Variants in FAM135B observed in about 807,000 individuals in gnomAD.
FAM135B encodes family with sequence similarity 135 member B.
A neutral mutation model predicts 127.7 loss-of-function variants in FAM135B; 43 were observed. The ratio of observed to expected loss-of-function variants is 0.34; its 90% confidence interval spans 0.26 to 0.43. FAM135B has a LOEUF of 0.43. FAM135B is among the 20% of genes least tolerant of loss of function. The pLI is 1.00. For missense variants in FAM135B, 1,558 were observed against 1,725.6 expected (o/e 0.90, Z 1.72); for synonymous variants, 670 against 665.1 (o/e 1.01, Z -0.11).
intron 1 of FAM135B, among the ~76,000 whole-genome samples, chr8:138,485,392 C>A (rs1814945266): frequency 6.6e-6 from 1 of 152,140 alleles, no homozygotes; most frequent in Non-Finnish European, 1.5e-5. Context: ...CGAGGTTCCT[C>A]AGTTTTCAGA....
At chr8:138,189,722 C>T (rs1815938059) in intron 9 of FAM135B, among the ~76,000 whole-genome samples, 1 of 152,148 alleles carries the variant, frequency 6.6e-6, no homozygotes, top group Admixed American at 6.6e-5. Flanking sequence ...TGGAGTTTGC[C>T]CCTGCTGGTG....
At chr8:138,311,603 T>C (rs190780333) in intron 2 of FAM135B, among the ~76,000 whole-genome samples, 23 of 152,336 alleles carry the variant, frequency 1.5e-4, no homozygotes, top group Admixed American at 2.6e-4. Flanking sequence ...GGCATCATCA[T>C]TGTTCTCTTC....
chr8:138,374,793 C>G (rs2131255943), intron 1 of FAM135B, among the ~76,000 whole-genome samples: 1 of 152,274 alleles, frequency 6.6e-6, no homozygotes, highest in Middle Eastern at 3.4e-3. Context: ...GGGCTGAGTC[C>G]AGGCACAGGG....
At chr8:138,268,430 G>T (rs1823112018) in intron 3 of FAM135B, among the ~76,000 whole-genome samples, 1 of 152,048 alleles carries the variant, frequency 6.6e-6, no homozygotes, top group Non-Finnish European at 1.5e-5. Context: ...ATTAAGCCTG[G>T]GATAAGGCAT....
intron 5 of FAM135B, among the ~76,000 whole-genome samples, chr8:138,251,515 G>T (rs1197720406): frequency 6.6e-6 from 1 of 152,130 alleles, no homozygotes; most frequent in Non-Finnish European, 1.5e-5. Flanking sequence ...GGCAGGTATT[G>T]AGAATATAAA....
intron 3 of FAM135B, among the ~76,000 whole-genome samples, chr8:138,299,913 T>A (rs1360134656): frequency 6.6e-6 from 1 of 152,168 alleles, no homozygotes; most frequent in Admixed American, 6.5e-5. Flanking sequence ...AAAATTGGTA[T>A]ATTTTAATAT....
intron 1 of FAM135B, among the ~76,000 whole-genome samples, chr8:138,430,055 C>T (rs930444228): frequency 1.3e-5 from 2 of 152,148 alleles, no homozygotes; most frequent in African/African-American, 4.8e-5. Context: ...CAACGCAGCA[C>T]TTTCTAGAGA....
intron 1 of FAM135B, among the ~76,000 whole-genome samples, chr8:138,471,714 A>G (rs992073568): frequency 6.6e-6 from 1 of 152,204 alleles, no homozygotes; most frequent in Non-Finnish European, 1.5e-5. Flanking sequence ...GGTAATTTAA[A>G]CCTTTGAAGT....
chr8:138,226,184 T>TGTGTGTGTGTGTGTGCGCGCGCGCGCGC, intron 7 of FAM135B, among the ~76,000 whole-genome samples: 468 of 139,228 alleles, frequency 3.4e-3, no homozygotes, highest in Non-Finnish European at 4.9e-3. Flanking sequence ...TGTGTGTGTG[T>TGTGTGTGTGTGTGTGCGCGCGCGCGCGC]GCGCGCATGT....
chr8:138,422,699 A>G (rs1587414477), intron 1 of FAM135B, among the ~76,000 whole-genome samples: 1 of 152,266 alleles, frequency 6.6e-6, no homozygotes, highest in Non-Finnish European at 1.5e-5. Context: ...CAGATTTCTG[A>G]AAAAAACAAA....
intron 9 of FAM135B, among the ~76,000 whole-genome samples, chr8:138,193,995 AG>A (rs1174068040): frequency 6.6e-6 from 1 of 152,168 alleles, no homozygotes; most frequent in Non-Finnish European, 1.5e-5. Flanking sequence ...TCTAGAGCCC[AG>A]GGCCTCCTGT....
intron 7 of FAM135B, among the ~76,000 whole-genome samples, chr8:138,217,582 C>T (rs1232915674): frequency 4.6e-5 from 7 of 151,818 alleles, no homozygotes; most frequent in South Asian, 2.1e-4. Context: ...AGGCGCCCAC[C>T]GCCACACCCA....
At chr8:138,247,302 T>C (rs1237341556) in intron 6 of FAM135B, among the ~76,000 whole-genome samples, 2 of 152,216 alleles carry the variant, frequency 1.3e-5, no homozygotes, top group Non-Finnish European at 2.9e-5. Flanking sequence ...AAAGCTCATC[T>C]TGAATTGTAG....
chr8:138,466,637 G>A (rs1456409081), intron 1 of FAM135B, among the ~76,000 whole-genome samples: 7 of 152,148 alleles, frequency 4.6e-5, no homozygotes, highest in African/African-American at 1.7e-4. Context: ...ATGACGTTGT[G>A]TCTTACAAGA....
intron 1 of FAM135B, among the ~76,000 whole-genome samples, chr8:138,416,729 C>G (rs1834178216): frequency 1.3e-5 from 2 of 152,024 alleles, no homozygotes; most frequent in Admixed American, 1.3e-4. Context: ...AGAGCTTCTC[C>G]CACCAAGATA....
intron 1 of FAM135B, among the ~76,000 whole-genome samples, chr8:138,410,772 C>T (rs991356294): frequency 1.3e-5 from 2 of 152,150 alleles, no homozygotes; most frequent in African/African-American, 4.8e-5. Flanking sequence ...ACCCAGCAAT[C>T]CCATTACTGG....
rs1417595174 is a variant in FAM135B, at chr8:138,265,802, G to A, written c.198C>T (p.Thr66=). The A allele has an allele frequency of 5.0e-6, 8 of 1,613,846 alleles. No homozygotes were observed. Among genetic ancestry groups the A allele is most frequent in the Admixed American group, 1.7e-5 (1 of 59,984 alleles). ...AGATCTGAAAGACCCGGCTGTGCAC[G>A]GTGCTGTCATGGACACAGGCTGAAT... The part of the protein sequence containing the change: ...SLHSACVHDS[T]VHSRVFQILY... Residue 66 remains threonine, a synonymous_variant, in exon 4 of 20, where the codon ACC becomes ACT. Transcript: ENST00000395297.
At chr8:138,393,468 A>AG (rs200756971) in intron 1 of FAM135B, among the ~76,000 whole-genome samples, 2,787 of 152,166 alleles carry the variant, frequency 0.018, 80 homozygotes, top group African/African-American at 0.062. Context: ...AAAAAAAAAA[A>AG]AAATTTAAGA....
At chr8:138,280,313 C>T (rs1021982801) in intron 3 of FAM135B, among the ~76,000 whole-genome samples, 1 of 152,116 alleles carries the variant, frequency 6.6e-6, no homozygotes, top group African/African-American at 2.4e-5. Flanking sequence ...AACACCTAGG[C>T]CTGCATCCTC....
Sources: gnomAD v4.1 joint callset for allele counts (sites outside exome capture counted in the v4.1 genomes callset) on GRCh38, gnomAD v4.1.1 for gene constraint, MANE v1.5 for transcripts, NCBI Gene and HGNC (gene_info 2026-07-23, HGNC 2026-07-21) for gene names.